The following CRY1 variants were observed in gnomAD, a reference collection of about 807,000 sequenced individuals.
CRY1 encodes cryptochrome-1.
In CRY1, 45 loss-of-function variants were observed where a neutral mutation model predicts 76.0. That is an observed-to-expected ratio of 0.59 (90% CI 0.47 to 0.76). The LOEUF is 0.76. Among genes scored for constraint, CRY1 ranks in the 30% least tolerant of loss-of-function variants. The probability of loss-of-function intolerance (pLI) is 0.00; values close to 1 mark genes in which losing one functional copy is unlikely to be tolerated. For synonymous variants in CRY1, 248 were observed against 244.0 expected, an observed-to-expected ratio of 1.02 and a Z score of -0.15; for missense variants, 587 against 716.4, an observed-to-expected ratio of 0.82 and a Z score of 2.06.
intron 7 of CRY1, among the ~76,000 whole-genome samples, chr12:106,998,840 C>T (rs1035914929): frequency 2.0e-5 from 3 of 151,834 alleles, no homozygotes; most frequent in Non-Finnish European, 4.4e-5. Context: ...GTCAGGAGTT[C>T]AAGACCAGCC....
In CRY1 at chr12:107,001,375, G is replaced by GA; in HGVS notation, c.596-8dup. The GA allele has an allele frequency of 6.3e-7, 1 of 1,590,448 alleles. No individual in the cohort carries two copies. The highest frequency in any genetic ancestry group is 8.5e-7 in the Non-Finnish European group (1 of 1,171,404). On this transcript the variant is annotated splice_region_variant and splice_polypyrimidine_tract_variant and intron_variant, in intron 4 of 12. Transcript: ENST00000008527. The stretch of plus-strand genomic sequence containing the variant: ...AAGCCATCTGTATCAAAACCTACAA[G>GA]AAAGAAAAGAAAAAAACATCATTCT...
chr12:107,043,537 G>A (rs1218401224), intron 1 of CRY1, among the ~76,000 whole-genome samples: 1 of 152,186 alleles, frequency 6.6e-6, no homozygotes, highest in African/African-American at 2.4e-5. Context: ...GAGCTGAGCT[G>A]ATGTAGTACC....
intron 1 of CRY1, among the ~76,000 whole-genome samples, chr12:107,074,277 C>T (rs1336191917): frequency 6.6e-6 from 1 of 152,152 alleles, no homozygotes; most frequent in African/African-American, 2.4e-5. Flanking sequence ...GGCTTGGCAG[C>T]ACATTCTCTA....
intron 1 of CRY1, chr12:107,072,802 C>T (rs1055463863): frequency 6.6e-6 from 1 of 152,146 alleles, no homozygotes; most frequent in Non-Finnish European, 1.5e-5. Flanking sequence ...TACACAGACA[C>T]TTTCTTCGTA....
At chr12:107,001,707 G>A (rs888780235) in intron 4 of CRY1, 57 bp downstream of exon 4, 32 of 1,397,772 alleles carry the variant, frequency 2.3e-5, no homozygotes, top group Non-Finnish European at 3.0e-5. Flanking sequence ...GGAATTTTCT[G>A]AGTAATTTAT....
intron 5 of CRY1, among the ~76,000 whole-genome samples, chr12:107,000,737 C>T (rs1952298830): frequency 6.6e-6 from 1 of 152,046 alleles, no homozygotes; most frequent in Admixed American, 6.6e-5. Context: ...GCGACTTCTG[C>T]CTCCTGGGTT....
intron 1 of CRY1, among the ~76,000 whole-genome samples, chr12:107,071,238 G>T (rs1362499332): frequency 6.6e-6 from 1 of 152,152 alleles, no homozygotes; most frequent in Non-Finnish European, 1.5e-5. Context: ...GCATGATGCT[G>T]ACTTTTGAGC....
chr12:107,048,331 C>T (rs1225489629), intron 1 of CRY1, among the ~76,000 whole-genome samples: 4 of 152,128 alleles, frequency 2.6e-5, no homozygotes, highest in East Asian at 3.9e-4. Context: ...CCACCCACCT[C>T]GGCCTCCCAA....
At position 106,999,881 on chromosome 12, in the gene CRY1, G is replaced by C; in HGVS notation, c.826-19C>G. ...TCTTTACCTATGGTTAAAAAGCAAA[G>C]AAGTATTATCAGAATTTTTTTTTAA... On this transcript the variant is annotated intron_variant, in intron 6 of 12. Coordinates refer to ENST00000008527, the MANE Select transcript of CRY1 (RefSeq NM_004075.5). 2 of 1,595,476 alleles carry C rather than the reference G, an allele frequency of 1.3e-6. No individual in the cohort carries two copies. Among genetic ancestry groups the C allele is most frequent in the Non-Finnish European group, 1.7e-6 (2 of 1,174,026 alleles).
chr12:107,050,660 A>G (rs1952907703), intron 1 of CRY1, among the ~76,000 whole-genome samples: 1 of 152,210 alleles, frequency 6.6e-6, no homozygotes, highest in African/African-American at 2.4e-5. Flanking sequence ...TCTTTTCTTT[A>G]TAAATTACCT....
intron 1 of CRY1, among the ~76,000 whole-genome samples, chr12:107,089,655 T>C (rs767388032): frequency 1.3e-5 from 2 of 152,156 alleles, no homozygotes; most frequent in Non-Finnish European, 2.9e-5. Flanking sequence ...CCGAAGAAAA[T>C]ACAAGATAGC....
intron 2 of CRY1, among the ~76,000 whole-genome samples, chr12:107,014,287 T>C (rs1952475089): frequency 6.6e-6 from 1 of 152,096 alleles, no homozygotes; most frequent in Admixed American, 6.5e-5. Flanking sequence ...TATCAGAGGG[T>C]ATAAATAGGC....
chr12:107,036,430 A>C (rs1304609190), intron 1 of CRY1, among the ~76,000 whole-genome samples: 1 of 152,144 alleles, frequency 6.6e-6, no homozygotes, highest in Non-Finnish European at 1.5e-5. Flanking sequence ...TTTCTGACCT[A>C]GATGATTCCA....
chr12:107,000,366 TC>T (rs1418418325), intron 5 of CRY1, among the ~76,000 whole-genome samples: 1 of 152,038 alleles, frequency 6.6e-6, no homozygotes, highest in Non-Finnish European at 1.5e-5. Flanking sequence ...TTTTTTTTTT[TC>T]CTGAGACAGG....
At chr12:107,085,922 T>C (rs1953394937) in intron 1 of CRY1, among the ~76,000 whole-genome samples, 1 of 152,124 alleles carries the variant, frequency 6.6e-6, no homozygotes, top group African/African-American at 2.4e-5. Context: ...AGAAAAACTT[T>C]AAAACTTTTT....
At chr12:107,035,382 T>C (rs1459704132) in intron 1 of CRY1, among the ~76,000 whole-genome samples, 3 of 152,168 alleles carry the variant, frequency 2.0e-5, no homozygotes, top group African/African-American at 7.2e-5. Flanking sequence ...TCCCTGGTAA[T>C]AAAGCAGAGA....
intron 1 of CRY1, among the ~76,000 whole-genome samples, chr12:107,046,251 T>C (rs1469720381): frequency 6.6e-6 from 1 of 151,534 alleles, no homozygotes; most frequent in Non-Finnish European, 1.5e-5. Context: ...CAAGATCATG[T>C]GACTGCACTC....
chr12:107,008,813 G>A lies in CRY1; in HGVS notation c.268-3565C>T, dbSNP rs942969803. ...TCGCCCGTGCTGTTCTCATGATAGT[G>A]AATAAGTCTCACAAGGTCTGATGGT... On this transcript the variant is annotated intron_variant, in intron 2 of 12. Transcript: ENST00000008527. Among the ~76,000 whole-genome samples the A allele has an allele frequency of 2.6e-5, 4 of 152,142 alleles. No homozygotes were observed. In the South Asian group the frequency reaches 8.3e-4, roughly 31 times the overall value.
intron 1 of CRY1, among the ~76,000 whole-genome samples, chr12:107,091,319 C>T (rs898040587): frequency 2.6e-5 from 4 of 152,152 alleles, no homozygotes; most frequent in Non-Finnish European, 5.9e-5. Context: ...TGAGCCACCG[C>T]GCCCAGCCTA....
Sources: allele counts gnomAD v4.1 joint callset (sites outside exome capture counted in the v4.1 genomes callset), GRCh38; gene constraint gnomAD v4.1.1; transcripts MANE v1.5; gene names NCBI Gene and HGNC (gene_info 2026-07-23, HGNC 2026-07-21).